The following ZC3H13 variants were observed in gnomAD, a reference collection of about 807,000 sequenced individuals.
The protein encoded by ZC3H13 is zinc finger CCCH domain-containing protein 13.
Under a neutral mutation model 204.1 loss-of-function variants are expected in ZC3H13, and 64 were observed. The observed-to-expected ratio is 0.31, with a 90% CI of 0.26 to 0.39. The LOEUF (loss-of-function observed/expected upper bound fraction) is 0.39, where lower values mean the gene tolerates loss of function less well. Ranked by LOEUF, ZC3H13 falls within the 10% of genes least tolerant of loss-of-function variation. The pLI is 1.00. For synonymous variants in ZC3H13, 667 were observed against 693.7 expected (o/e 0.96, Z 0.60); for missense variants, 1,833 against 2,082.7 (o/e 0.88, Z 2.33).
rs141299595 is a variant in ZC3H13, at chr13:45,989,054, T to C, written c.988A>G (p.Arg330Gly). 2.0e-5 allele frequency: 33 copies of C among 1,614,012 alleles called. No homozygotes were observed. Among genetic ancestry groups the C allele is most frequent in the Middle Eastern group, 1.6e-4 (1 of 6,084 alleles). ...GATTGTGAGGAAGATGAGTGATGTCTAGAAGATATAGGAGAATGATGCTGT... is the reference window on the plus strand; with the variant it reads ...GATTGTGAGGAAGATGAGTGATGTCCAGAAGATATAGGAGAATGATGCTGT... ...AGQHHSPISS[R>G]HHSSSSQSGS... Residue 330 changes from arginine (R) to glycine (G), a missense_variant, in exon 9 of 19, where the codon AGA becomes GGA. Arg to Gly is a moderately radical substitution (Grantham distance 125). Around this residue, in one of 5 missense-constraint regions of ZC3H13, gnomAD observed 1,574 missense variants for 1,757.2 expected, o/e 0.90. Coordinates refer to ENST00000679008, the MANE Select transcript of ZC3H13 (RefSeq NM_001330564.2).
At chr13:46,044,910 G>T in intron 3 of ZC3H13, 45 bp downstream of exon 3, 1 of 1,363,614 alleles carries the variant, frequency 7.3e-7, no homozygotes, top group South Asian at 1.6e-5. Context: ...AATTACAAAA[G>T]CCATCTTCTA....
chr13:46,026,064 A>T (rs950275093), intron 4 of ZC3H13, among the ~76,000 whole-genome samples: 2 of 152,118 alleles, frequency 1.3e-5, no homozygotes, highest in African/African-American at 4.8e-5. Flanking sequence ...TTTCAATATT[A>T]TAGAAACAAA....
At chr13:45,968,446 G>C (rs1952278122) in intron 14 of ZC3H13, among the ~76,000 whole-genome samples, 1 of 152,052 alleles carries the variant, frequency 6.6e-6, no homozygotes, top group African/African-American at 2.4e-5. Flanking sequence ...AAGAATAGCA[G>C]GAAGGTTAAA....
chr13:45,982,280 A>AT (rs1953707603), intron 10 of ZC3H13, among the ~76,000 whole-genome samples: 1 of 152,028 alleles, frequency 6.6e-6, no homozygotes, highest in Non-Finnish European at 1.5e-5. Context: ...AATTTAAAAC[A>AT]TTTTTACAGA....
chr13:45,986,788 G>A (rs1431526346), intron 9 of ZC3H13, among the ~76,000 whole-genome samples: 1 of 152,136 alleles, frequency 6.6e-6, no homozygotes, highest in Non-Finnish European at 1.5e-5. Flanking sequence ...GCAGCCTCAT[G>A]CCCAAAACAT....
chr13:45,985,401 G>A lies in ZC3H13; in HGVS notation c.1616C>T (p.Ser539Phe), dbSNP rs762124880. The A allele has an allele frequency of 1.2e-6, 2 of 1,613,994 alleles. No homozygotes were observed. The highest frequency in any genetic ancestry group is 3.3e-5 in the Admixed American group (2 of 60,000). Residue 539 changes from serine to phenylalanine, a missense_variant, in exon 10 of 19, where the codon TCT (serine) becomes TTT (phenylalanine). Physicochemically the swap from Ser to Phe is radical, Grantham distance 155 (BLOSUM62 -2). Coordinates refer to ENST00000679008, the MANE Select transcript of ZC3H13 (RefSeq NM_001330564.2). Reference sequence around the variant, plus strand: ...GGACTCATTCCTTATTTCCGTACGAGAACTTTCTTCTCTCAAATGGTTTCG... The same window carrying A: ...GGACTCATTCCTTATTTCCGTACGAAAACTTTCTTCTCTCAAATGGTTTCG... Reference protein sequence around the residue: ...YGRNHLREESSRTEIRNESRN... With the variant: ...YGRNHLREESFRTEIRNESRN...
rs1285235772 is a variant in ZC3H13, at chr13:46,052,729, G to A, written c.-335C>T. 4 of 397,668 alleles carry A rather than the reference G, an allele frequency of 1.0e-5. No homozygotes were observed. The highest frequency in any genetic ancestry group is 1.8e-5 in the Non-Finnish European group (4 of 225,646). The allele number at this position is 397,668 out of a possible 1,614,324, so 24.6% of individuals were successfully genotyped here. ...GCTAGGAGGACCGCCTCAAAATGCC[G>A]CCGGAAGTCAGAGGTTTGCCCTGTT... is the stretch of plus-strand genomic sequence containing the variant. On this transcript the variant is annotated 5_prime_UTR_variant, in exon 1 of 19. Coordinates refer to ENST00000679008, the MANE Select transcript of ZC3H13 (RefSeq NM_001330564.2).
chr13:46,039,769 T>C (rs1463559310), intron 4 of ZC3H13, among the ~76,000 whole-genome samples: 1 of 152,212 alleles, frequency 6.6e-6, no homozygotes, highest in Non-Finnish European at 1.5e-5. Flanking sequence ...TATTTACATT[T>C]TGTGTGTCTG....
At chr13:45,962,563 AT>A in intron 17 of ZC3H13, 1 of 985,154 alleles carries the variant, frequency 1.0e-6, no homozygotes, top group Non-Finnish European at 1.2e-6. Context: ...GTCTTGGGTC[AT>A]TTTTCGGTTA....
chr13:45,982,692 T>C (rs1435969078), intron 10 of ZC3H13, among the ~76,000 whole-genome samples: 1 of 152,158 alleles, frequency 6.6e-6, no homozygotes, highest in African/African-American at 2.4e-5. Context: ...ATCCCTAATC[T>C]GAAAAATTGG....
intron 9 of ZC3H13, among the ~76,000 whole-genome samples, chr13:45,988,145 T>C (rs779686833): frequency 2.0e-5 from 3 of 152,018 alleles, no homozygotes; most frequent in Non-Finnish European, 2.9e-5. Flanking sequence ...TTCACCTCCT[T>C]GTTTTCAAAA....
At chr13:45,972,738 G>T (rs911650230) in intron 12 of ZC3H13, among the ~76,000 whole-genome samples, 1 of 152,054 alleles carries the variant, frequency 6.6e-6, no homozygotes, top group African/African-American at 2.4e-5. Context: ...ATCAATAACT[G>T]GCCTATTTCC....
Position 46,052,576 on chromosome 13 carries a change from C to G in ZC3H13, c.-182G>C, listed in dbSNP as rs1294809183. On this transcript the variant is annotated 5_prime_UTR_variant, in exon 1 of 19. Transcript: ENST00000679008. Reference sequence around the variant, plus strand: ...CCGGCTCTTGGCTAGCGAGGAGCCCCCGGGATGGCTGAGAAGCAGAACCAA... The same window carrying G: ...CCGGCTCTTGGCTAGCGAGGAGCCCGCGGGATGGCTGAGAAGCAGAACCAA... The G allele has an allele frequency of 2.5e-6, 1 of 398,756 alleles. No individual in the cohort carries two copies. Among genetic ancestry groups the G allele is most frequent in the Non-Finnish European group, 4.4e-6 (1 of 226,200 alleles). 24.7% of individuals were successfully genotyped at this position (398,756 alleles called of 1,614,324 possible). A position where few individuals can be genotyped will look rare whatever the true frequency, so the allele number is the denominator to read the frequency against.
chr13:45,959,100 GCTTT>G (rs1951493976), intron 18 of ZC3H13, among the ~76,000 whole-genome samples: 1 of 151,846 alleles, frequency 6.6e-6, no homozygotes, highest in South Asian at 2.1e-4. Flanking sequence ...ATATAGAGTC[GCTTT>G]ATTTCCCTTT....
intron 4 of ZC3H13, among the ~76,000 whole-genome samples, chr13:46,029,630 G>A (rs367553444): frequency 7.9e-5 from 12 of 151,322 alleles, no homozygotes; most frequent in South Asian, 2.1e-4. Flanking sequence ...GGGTTTCACC[G>A]TGTTAGCCAG....
At chr13:45,961,873 G>GAAAATTA (rs1306196809) in intron 17 of ZC3H13, among the ~76,000 whole-genome samples, 3 of 151,726 alleles carry the variant, frequency 2.0e-5, no homozygotes, top group East Asian at 3.9e-4. Flanking sequence ...AAGTACCCAT[G>GAAAATTA]AAAATTAAAA....
At chr13:45,963,756 G>A (rs1951861345) in intron 17 of ZC3H13, 86 bp downstream of exon 17, 3 of 1,571,002 alleles carry the variant, frequency 1.9e-6, no homozygotes, top group Middle Eastern at 4.2e-4. Flanking sequence ...AGTGTTAAGT[G>A]CTACATAAGA....
At chr13:45,994,896 C>G (rs1463366001) in intron 8 of ZC3H13, among the ~76,000 whole-genome samples, 1 of 151,942 alleles carries the variant, frequency 6.6e-6, no homozygotes, top group African/African-American at 2.4e-5. Context: ...AATACCTTCC[C>G]AGATCAGGCC....
intron 12 of ZC3H13, among the ~76,000 whole-genome samples, chr13:45,973,477 G>A (rs1952757724): frequency 6.6e-6 from 1 of 152,106 alleles, no homozygotes; most frequent in African/African-American, 2.4e-5. Flanking sequence ...GATATCAGAA[G>A]CATGAAAAAA....
Sources: allele counts gnomAD v4.1 joint callset (sites outside exome capture counted in the v4.1 genomes callset), GRCh38; gene constraint gnomAD v4.1.1; regional missense constraint gnomAD v4.1.1; transcripts MANE v1.5; gene names NCBI Gene and HGNC (gene_info 2026-07-23, HGNC 2026-07-21).